Variants in SYN3 observed in about 807,000 individuals in gnomAD.
SYN3 encodes synapsin III.
In SYN3, 35 loss-of-function variants were observed where a neutral mutation model predicts 65.8. That is an observed-to-expected ratio of 0.53 (90% confidence interval 0.41 to 0.70). The LOEUF is 0.70. SYN3 is among the 30% of genes least tolerant of loss of function. The probability of loss-of-function intolerance (pLI) is 0.00; values close to 1 mark genes in which losing one functional copy is unlikely to be tolerated. For missense variants in SYN3, 680 were observed against 749.0 expected, an observed-to-expected ratio of 0.91 and a Z score of 1.08; for synonymous variants, 270 against 292.9, an observed-to-expected ratio of 0.92 and a Z score of 0.80.
chr22:32,912,544 C>T (rs2050079597), intron 4 of SYN3, among the ~76,000 whole-genome samples: 1 of 151,876 alleles, frequency 6.6e-6, no homozygotes, highest in Admixed American at 6.6e-5. Context: ...AGTGAGACCC[C>T]CCCATCTCTA....
chr22:32,997,989 T>C (rs2052934641), intron 2 of SYN3, among the ~76,000 whole-genome samples: 1 of 144,758 alleles, frequency 6.9e-6, no homozygotes. Flanking sequence ...ATTGAACCAC[T>C]GCACTCCAGC....
chr22:32,747,118 A>C (rs2044957803), intron 6 of SYN3, among the ~76,000 whole-genome samples: 1 of 152,166 alleles, frequency 6.6e-6, no homozygotes, highest in South Asian at 2.1e-4. Context: ...TATTTCCACA[A>C]CACCATTTTG....
intron 6 of SYN3, among the ~76,000 whole-genome samples, chr22:32,832,673 G>GGATTT (rs2047610438): frequency 6.6e-6 from 1 of 151,458 alleles, no homozygotes; most frequent in Non-Finnish European, 1.5e-5. Context: ...AAACCCTCGA[G>GGATTT]TATTTTATTT....
intron 4 of SYN3, among the ~76,000 whole-genome samples, chr22:32,916,357 C>T (rs2050185531): frequency 6.6e-6 from 1 of 152,032 alleles, no homozygotes; most frequent in Admixed American, 6.6e-5. Context: ...GTTTGTTCCA[C>T]AAAAAAACTT....
intron 7 of SYN3, among the ~76,000 whole-genome samples, chr22:32,585,931 CGTATATGTGTATGTATACATATATGTG>C (rs1569064912): frequency 2.2e-3 from 153 of 68,082 alleles, no homozygotes; most frequent in African/African-American, 4.8e-3. Context: ...TGTGTATATA[CGTATATGTGTATGTATACATATATGTG>C]TATATACGTA....
At chr22:32,816,346 G>A (rs1401775166) in intron 6 of SYN3, among the ~76,000 whole-genome samples, 2 of 152,144 alleles carry the variant, frequency 1.3e-5, no homozygotes, top group African/African-American at 4.8e-5. Context: ...ATAAACATGG[G>A]TGAAATACAG....
chr22:32,874,871 C>A (rs893459022), intron 4 of SYN3, among the ~76,000 whole-genome samples: 1 of 152,146 alleles, frequency 6.6e-6, no homozygotes, highest in Non-Finnish European at 1.5e-5. Context: ...GAAAATTCAA[C>A]CTTGGGTATC....
At chr22:32,688,442 G>C (rs2060621030) in intron 6 of SYN3, among the ~76,000 whole-genome samples, 2 of 152,080 alleles carry the variant, frequency 1.3e-5, no homozygotes, top group Admixed American at 1.3e-4. Flanking sequence ...TAATATCTGG[G>C]GGAAAGAGAA....
At chr22:32,900,579 A>G in intron 4 of SYN3, among the ~76,000 whole-genome samples, 1 of 152,200 alleles carries the variant, frequency 6.6e-6, no homozygotes, top group East Asian at 1.9e-4. Flanking sequence ...AGCCTTTTGC[A>G]TAGACTTTGA....
intron 6 of SYN3, among the ~76,000 whole-genome samples, chr22:32,816,559 T>C (rs1471309782): frequency 6.6e-6 from 1 of 152,200 alleles, no homozygotes; most frequent in East Asian, 1.9e-4. Flanking sequence ...AGTTCAAATG[T>C]CAGGGAAAGA....
intron 7 of SYN3, among the ~76,000 whole-genome samples, chr22:32,544,784 C>A (rs139383201): frequency 2.0e-5 from 3 of 152,166 alleles, no homozygotes; most frequent in Non-Finnish European, 4.4e-5. Flanking sequence ...TTTGCAGGGA[C>A]GGCTTGTTTA....
At chr22:32,519,151 A>G in intron 12 of SYN3, among the ~76,000 whole-genome samples, 1 of 152,176 alleles carries the variant, frequency 6.6e-6, no homozygotes, top group East Asian at 1.9e-4. Flanking sequence ...AGGCCCCCCC[A>G]GTCTATGGCA....
chr22:33,018,213 G>A (rs1411659029), intron 1 of SYN3, among the ~76,000 whole-genome samples: 6 of 152,180 alleles, frequency 3.9e-5, no homozygotes, highest in Non-Finnish European at 7.3e-5. Flanking sequence ...TGTGAAAGTG[G>A]GGAGCTGGAT....
intron 6 of SYN3, among the ~76,000 whole-genome samples, chr22:32,856,490 C>A (rs961626273): frequency 6.6e-6 from 1 of 152,076 alleles, no homozygotes; most frequent in Non-Finnish European, 1.5e-5. Flanking sequence ...TGTCAGCAAG[C>A]CTTCTGGGTA....
At chr22:32,806,178 T>TGTG (rs2046730395) in intron 6 of SYN3, among the ~76,000 whole-genome samples, 3 of 151,930 alleles carry the variant, frequency 2.0e-5, no homozygotes, top group Non-Finnish European at 1.5e-5. Context: ...GGTCTGCCAG[T>TGTG]GTGGTAGGAG....
At chr22:32,777,374 A>C (rs993013227) in intron 6 of SYN3, among the ~76,000 whole-genome samples, 3 of 117,782 alleles carry the variant, frequency 2.5e-5, no homozygotes, top group Non-Finnish European at 5.2e-5. Context: ...GCCTGGAGCC[A>C]GCCTGCTCCT....
At chr22:32,596,896 C>G (rs2059208350) in intron 6 of SYN3, among the ~76,000 whole-genome samples, 160 bp from the exon 7 acceptor site, 1 of 152,194 alleles carries the variant, frequency 6.6e-6, no homozygotes. Flanking sequence ...CCCAAACACC[C>G]TCAATGTCAG....
intron 7 of SYN3, among the ~76,000 whole-genome samples, chr22:32,581,614 C>T (rs2058942910): frequency 6.6e-6 from 1 of 152,096 alleles, no homozygotes; most frequent in Non-Finnish European, 1.5e-5. Context: ...GCTGGAGGCA[C>T]TAAACTGGCT....
intron 6 of SYN3, among the ~76,000 whole-genome samples, chr22:32,627,676 G>C (rs180862630): frequency 1.4e-4 from 22 of 152,158 alleles, no homozygotes; most frequent in African/African-American, 5.3e-4. Flanking sequence ...GACACACACA[G>C]AGACATGCTC....
Sources: gnomAD v4.1 joint callset for allele counts (sites outside exome capture counted in the v4.1 genomes callset) on GRCh38, gnomAD v4.1.1 for gene constraint, MANE v1.5 for transcripts, NCBI Gene and HGNC (gene_info 2026-07-23, HGNC 2026-07-21) for gene names.